The following SASH1 variants were observed in gnomAD, a reference collection of about 807,000 sequenced individuals.
SASH1 encodes the protein SAM and SH3 domain-containing protein 1.
A neutral mutation model predicts 125.2 loss-of-function variants in SASH1; 44 were observed. The ratio of observed to expected loss-of-function variants is 0.35; its 90% CI spans 0.28 to 0.45. The LOEUF is 0.45. Among genes scored for constraint, SASH1 ranks in the 20% least tolerant of loss-of-function variants. SASH1 has a pLI of 1.00. For missense variants in SASH1, 1,426 were observed against 1,614.5 expected (o/e 0.88, Z 2.00); for synonymous variants, 639 against 649.1 (o/e 0.98, Z 0.24).
At chr6:148,509,576 A>G (rs1391504576) in intron 8 of SASH1, among the ~76,000 whole-genome samples, 2 of 152,106 alleles carry the variant, frequency 1.3e-5, no homozygotes, top group African/African-American at 4.8e-5. Flanking sequence ...GCTCCTTGCA[A>G]ATTGGTTTTA....
chr6:148,450,214 A>C (rs1312873927), intron 4 of SASH1, among the ~76,000 whole-genome samples: 7 of 152,126 alleles, frequency 4.6e-5, no homozygotes, highest in Non-Finnish European at 1.5e-5. Context: ...CCGAAAATAC[A>C]CTCAGGCCAC....
chr6:148,409,280 A>C (rs934263213), intron 2 of SASH1, among the ~76,000 whole-genome samples: 2 of 152,242 alleles, frequency 1.3e-5, no homozygotes, highest in East Asian at 3.8e-4. Flanking sequence ...ATTTTGCAGA[A>C]GCTTAACAGA....
chr6:148,387,566 C>CCCTTTCTTTCTTTCTT, intron 1 of SASH1, among the ~76,000 whole-genome samples: 1 of 70,096 alleles, frequency 1.4e-5, no homozygotes, highest in East Asian at 4.1e-4. Flanking sequence ...TCTTTCTTTT[C>CCCTTTCTTTCTTTCTT]TCTTTCTTTC....
At chr6:148,405,595 C>T (rs118176491) in intron 2 of SASH1, among the ~76,000 whole-genome samples, 1 of 152,060 alleles carries the variant, frequency 6.6e-6, no homozygotes, top group African/African-American at 2.4e-5. Context: ...GCCTTTGTTC[C>T]CTCCTCATAT....
intron 2 of SASH1, among the ~76,000 whole-genome samples, chr6:148,425,866 G>GT (rs1429101196): frequency 1.3e-5 from 2 of 151,308 alleles, no homozygotes; most frequent in Non-Finnish European, 2.9e-5. Context: ...GTGAGCCACT[G>GT]TGTCTGGCCT....
At chr6:148,474,490 A>G (rs1288655527) in intron 7 of SASH1, among the ~76,000 whole-genome samples, 5 of 152,228 alleles carry the variant, frequency 3.3e-5, no homozygotes, top group Admixed American at 3.3e-4. Context: ...AAAATTCACA[A>G]GCCTTTTGAA....
intron 1 of SASH1, among the ~76,000 whole-genome samples, chr6:148,306,050 C>T (rs576552382): frequency 6.6e-6 from 1 of 152,118 alleles, no homozygotes; most frequent in African/African-American, 2.4e-5. Context: ...ACTATGTATC[C>T]ATAAAAATTC....
chr6:148,487,728 T>C lies in SASH1; in HGVS notation c.729+13T>C, dbSNP rs1778940821. On this transcript the variant is annotated intron_variant, in intron 8 of 19. Transcript: ENST00000367467. ...ATCAAACTGCAATGTGAGTTTATCA[T>C]GTCTTTGACATCTTGATCACCTACG... 6.4e-7 allele frequency: 1 copy of C among 1,560,666 alleles called. No homozygotes were observed. Among genetic ancestry groups the C allele is most frequent in the South Asian group, 1.1e-5 (1 of 89,770 alleles).
At chr6:148,394,497 C>T (rs1783863373) in intron 2 of SASH1, among the ~76,000 whole-genome samples, 1 of 152,180 alleles carries the variant, frequency 6.6e-6, no homozygotes, top group African/African-American at 2.4e-5. Flanking sequence ...CAGAATTTTA[C>T]ATGTATTTCT....
chr6:148,530,236 T>G (rs1318854554), intron 12 of SASH1, among the ~76,000 whole-genome samples: 1 of 152,204 alleles, frequency 6.6e-6, no homozygotes, highest in Non-Finnish European at 1.5e-5. Flanking sequence ...CATAAACATG[T>G]GATGAATAAA....
intron 1 of SASH1, among the ~76,000 whole-genome samples, chr6:148,293,334 G>T (rs1401346917): frequency 6.6e-6 from 1 of 152,238 alleles, no homozygotes; most frequent in Non-Finnish European, 1.5e-5. Flanking sequence ...GGAATCAGCA[G>T]CCAGTGAGAC....
At chr6:148,524,121 A>ATATTT (rs1193506716) in intron 10 of SASH1, among the ~76,000 whole-genome samples, 2 of 128,608 alleles carry the variant, frequency 1.6e-5, no homozygotes, top group East Asian at 2.3e-4. Context: ...ATATATATAT[A>ATATTT]TTTTTTTTAA....
chr6:148,463,604 C>T (rs1777713732), intron 4 of SASH1, among the ~76,000 whole-genome samples: 1 of 152,158 alleles, frequency 6.6e-6, no homozygotes, highest in Non-Finnish European at 1.5e-5. Flanking sequence ...CCCTGGAGCT[C>T]AGTCTTCATA....
chr6:148,289,871 T>G (rs1048180434), intron 1 of SASH1, among the ~76,000 whole-genome samples: 4 of 142,776 alleles, frequency 2.8e-5, no homozygotes, highest in South Asian at 2.4e-4. Context: ...GTTTTTTTTT[T>G]TTTTTTTTTT....
the SASH1 span, among the ~76,000 whole-genome samples, chr6:148,238,512 C>A: frequency 4.5e-4 from 68 of 152,260 alleles, no homozygotes; most frequent in African/African-American, 1.6e-3. Context: ...GCGTGAGCCA[C>A]CGTGCCTGGA....
the SASH1 span, among the ~76,000 whole-genome samples, chr6:148,253,743 G>A: frequency 5.9e-5 from 9 of 152,170 alleles, no homozygotes; most frequent in African/African-American, 1.9e-4. Flanking sequence ...ATGGTGGCAC[G>A]TGCCTGTAGT....
chr6:148,497,876 T>C (rs1235182419), intron 8 of SASH1, among the ~76,000 whole-genome samples: 3 of 152,278 alleles, frequency 2.0e-5, no homozygotes, highest in African/African-American at 4.8e-5. Context: ...AAGTAGTTAT[T>C]GTACTGAAAT....
At chr6:148,287,707 G>T (rs1167863731) in intron 1 of SASH1, among the ~76,000 whole-genome samples, 1 of 97,830 alleles carries the variant, frequency 1.0e-5, no homozygotes, top group South Asian at 3.0e-4. Flanking sequence ...GGGGGTGGGG[G>T]GTGGTATTCC....
intron 8 of SASH1, among the ~76,000 whole-genome samples, chr6:148,498,193 G>A (rs1012273646): frequency 3.3e-5 from 5 of 151,072 alleles, no homozygotes; most frequent in Non-Finnish European, 7.4e-5. Flanking sequence ...AGACCAGCCC[G>A]GCCAACATGG....
Sources: gnomAD v4.1 joint callset for allele counts (sites outside exome capture counted in the v4.1 genomes callset) on GRCh38, gnomAD v4.1.1 for gene constraint, MANE v1.5 for transcripts, NCBI Gene and HGNC (gene_info 2026-07-23, HGNC 2026-07-21) for gene names.